The following SPATA16 variants were observed in gnomAD, a reference collection of about 807,000 sequenced individuals.
SPATA16 encodes the protein spermatogenesis associated 16, also known as spermatogenesis-associated protein 16.
In SPATA16, 36 loss-of-function variants were observed where a neutral mutation model predicts 63.3. The observed-to-expected ratio is 0.57, with a 90% CI of 0.44 to 0.75. The LOEUF is 0.75. Ranked by LOEUF, SPATA16 falls within the 30% of genes least tolerant of loss-of-function variation. The pLI is 0.00. For missense variants in SPATA16, 646 were observed against 679.3 expected (o/e 0.95, Z 0.54); for synonymous variants, 203 against 216.7 (o/e 0.94, Z 0.56).
chr3:172,960,621 G>A lies in SPATA16; in HGVS notation c.934-3797C>T, dbSNP rs186774104. ...CCTTAGAAATCAACTTGCCCAGGAT[G>A]ACTGTACAAAAGAGACCATGGGACA... On this transcript the variant is annotated intron_variant, in intron 5 of 10. Coordinates refer to ENST00000351008, the MANE Select transcript of SPATA16 (RefSeq NM_031955.6). Among the ~76,000 whole-genome samples, 242 of 152,260 alleles carry A rather than the reference G, an allele frequency of 1.6e-3. 1 individual carries two copies. The highest frequency in any genetic ancestry group is 0.014 in the Middle Eastern group (4 of 294).
chr3:172,957,599 G>C, intron 5 of SPATA16, among the ~76,000 whole-genome samples: 1 of 152,134 alleles, frequency 6.6e-6, no homozygotes, highest in South Asian at 2.1e-4. Flanking sequence ...ATAAAACGTG[G>C]AAGTGTCTAT....
At chr3:173,119,611 A>G (rs1227213124) in intron 1 of SPATA16, among the ~76,000 whole-genome samples, 1 of 152,202 alleles carries the variant, frequency 6.6e-6, no homozygotes, top group African/African-American at 2.4e-5. Context: ...CCAATGATTG[A>G]TAATGACACA....
intron 2 of SPATA16, among the ~76,000 whole-genome samples, chr3:173,112,130 T>C (rs1321304474): frequency 6.6e-6 from 1 of 152,172 alleles, no homozygotes; most frequent in Non-Finnish European, 1.5e-5. Context: ...ACTCTCCCCC[T>C]ACACACACTT....
At chr3:172,962,214 A>G (rs1733804198) in intron 5 of SPATA16, among the ~76,000 whole-genome samples, 1 of 135,296 alleles carries the variant, frequency 7.4e-6, no homozygotes, top group African/African-American at 2.8e-5. Context: ...GATTAAGACC[A>G]CTGCACTCCA....
intron 4 of SPATA16, among the ~76,000 whole-genome samples, chr3:173,009,825 A>T (rs1259779979): frequency 2.0e-5 from 3 of 152,230 alleles, no homozygotes; most frequent in South Asian, 4.1e-4. Flanking sequence ...ATTGTAAACG[A>T]AAGTGCACTT....
chr3:173,070,900 A>G (rs1293602171), intron 2 of SPATA16, among the ~76,000 whole-genome samples: 1 of 152,238 alleles, frequency 6.6e-6, no homozygotes, highest in Non-Finnish European at 1.5e-5. Flanking sequence ...AGCAATCTAC[A>G]GATTTAATGG....
intron 4 of SPATA16, among the ~76,000 whole-genome samples, chr3:173,016,610 G>A (rs1196478769): frequency 6.6e-6 from 1 of 152,160 alleles, no homozygotes; most frequent in Non-Finnish European, 1.5e-5. Context: ...TGCGTAGCAT[G>A]CTACAGGAAA....
intron 3 of SPATA16, among the ~76,000 whole-genome samples, chr3:173,023,257 C>T (rs879887735): frequency 2.0e-5 from 3 of 151,482 alleles, no homozygotes; most frequent in East Asian, 1.9e-4. Flanking sequence ...TTTCCCAATT[C>T]GCTTGATAAA....
chr3:173,054,221 T>C (rs1456901869), intron 2 of SPATA16, among the ~76,000 whole-genome samples: 1 of 152,070 alleles, frequency 6.6e-6, no homozygotes, highest in Non-Finnish European at 1.5e-5. Context: ...GTAACTGACA[T>C]ACATACATAA....
chr3:172,977,806 G>A (rs1192743730), intron 4 of SPATA16, among the ~76,000 whole-genome samples: 1 of 152,038 alleles, frequency 6.6e-6, no homozygotes, highest in Non-Finnish European at 1.5e-5. Context: ...TGTCACGTTA[G>A]CCAATTAAAC....
At chr3:173,115,319 T>A (rs1737865009) in intron 2 of SPATA16, among the ~76,000 whole-genome samples, 1 of 152,206 alleles carries the variant, frequency 6.6e-6, no homozygotes, top group African/African-American at 2.4e-5. Context: ...CTTGCCAAAA[T>A]GATTATTTTT....
chr3:172,984,257 C>T (rs1245846462), intron 4 of SPATA16, among the ~76,000 whole-genome samples: 4 of 152,140 alleles, frequency 2.6e-5, no homozygotes, highest in South Asian at 2.1e-4. Flanking sequence ...TTCTATCTGA[C>T]GACGCTGATC....
At chr3:172,897,437 C>T (rs1732030493) in intron 10 of SPATA16, among the ~76,000 whole-genome samples, 1 of 152,050 alleles carries the variant, frequency 6.6e-6, no homozygotes, top group Non-Finnish European at 1.5e-5. Flanking sequence ...CACAGTATAT[C>T]TCTCCATTTA....
intron 2 of SPATA16, among the ~76,000 whole-genome samples, chr3:173,070,681 C>T (rs1736653603): frequency 6.6e-6 from 1 of 152,054 alleles, no homozygotes; most frequent in African/African-American, 2.4e-5. Context: ...AGCAAACAAT[C>T]TGAAAAAGAA....
rs186135292 is a variant in SPATA16 at position 172,983,943 on chromosome 3, G to A, written c.849-6891C>T. ...CATTTTCCATAACCCTCCAGTCAAGGCCCCACCCCCACCCCCTGGCCCCGC... is the reference window on the plus strand; with the variant it reads ...CATTTTCCATAACCCTCCAGTCAAGACCCCACCCCCACCCCCTGGCCCCGC... On this transcript the variant is annotated intron_variant, in intron 4 of 10. Coordinates refer to ENST00000351008, the MANE Select transcript of SPATA16 (RefSeq NM_031955.6). Among the ~76,000 whole-genome samples, 617 of 151,282 alleles carry A rather than the reference G, an allele frequency of 4.1e-3. 3 individuals are homozygous for A. Among genetic ancestry groups the A allele is most frequent in the African/African-American group, 0.014 (568 of 41,136 alleles).
chr3:172,994,011 A>G (rs1734641521), intron 4 of SPATA16, among the ~76,000 whole-genome samples: 1 of 152,194 alleles, frequency 6.6e-6, no homozygotes, highest in South Asian at 2.1e-4. Flanking sequence ...AGTAAAAGCC[A>G]TAAACTTTTC....
intron 2 of SPATA16, among the ~76,000 whole-genome samples, chr3:173,071,263 A>G (rs1383576866): frequency 1.3e-5 from 2 of 152,186 alleles, no homozygotes; most frequent in Non-Finnish European, 2.9e-5. Flanking sequence ...TCCATATGCA[A>G]AAGAATGAAA....
intron 5 of SPATA16, among the ~76,000 whole-genome samples, chr3:172,973,794 C>G (rs973212292): frequency 2.6e-5 from 4 of 152,140 alleles, no homozygotes; most frequent in Non-Finnish European, 4.4e-5. Flanking sequence ...CTAAGCCTGA[C>G]TTGGTACTTT....
At chr3:172,944,899 G>A (rs946767333) in intron 6 of SPATA16, among the ~76,000 whole-genome samples, 4 of 152,176 alleles carry the variant, frequency 2.6e-5, no homozygotes, top group African/African-American at 9.7e-5. Flanking sequence ...TTTGTAGATG[G>A]ATGGTGGTAA....
Sources: allele counts gnomAD v4.1 joint callset (sites outside exome capture counted in the v4.1 genomes callset), GRCh38; gene constraint gnomAD v4.1.1; transcripts MANE v1.5; gene names NCBI Gene and HGNC (gene_info 2026-07-23, HGNC 2026-07-21).